DNAH6: variants seen among roughly 807,000 people sequenced by gnomAD.
DNAH6 encodes the protein dynein axonemal heavy chain 6, also known as axonemal beta dynein heavy chain 6.
A neutral mutation model predicts 491.4 loss-of-function variants in DNAH6; 340 were observed. That is an observed-to-expected ratio of 0.69 (90% CI 0.63 to 0.76). The LOEUF (loss-of-function observed/expected upper bound fraction) is 0.76. Among genes scored for constraint, DNAH6 ranks in the 30% least tolerant of loss-of-function variants. The pLI, the probability that DNAH6 is intolerant of heterozygous loss-of-function variation, is 0.00. For missense variants in DNAH6, 4,443 were observed against 4,972.2 expected (o/e 0.89, Z 3.20); for synonymous variants, 1,603 against 1,686.1 (o/e 0.95, Z 1.21).
chr2:84,568,989 A>G (rs986487103), intron 11 of DNAH6, among the ~76,000 whole-genome samples: 1 of 152,234 alleles, frequency 6.6e-6, no homozygotes, highest in Non-Finnish European at 1.5e-5. Flanking sequence ...AAAACTATAC[A>G]TGCATTTACC....
rs932770561 is a variant in DNAH6 at position 84,816,014 on chromosome 2, C to T, written c.12304C>T (p.Pro4102Ser). 6.4e-7 allele frequency: 1 copy of T among 1,551,630 alleles called. No individual in the cohort carries two copies. The highest frequency in any genetic ancestry group is 1.4e-5 in the African/African-American group (1 of 73,020). Residue 4102 changes from proline (P) to serine (S), a missense_variant, in exon 76 of 77, where the codon CCA becomes TCA. Physicochemically the swap from Pro to Ser is moderately conservative, Grantham distance 74. Transcript: ENST00000389394. ...TTTTGAACCACAACAAAACTATAAG[C>T]CAAGCCCAACACTTTACCACTGCCC... ...VHFEPQQNYK[P>S]SPTLYHCPLY... is the part of the protein sequence containing the mutation.
At chr2:84,573,746 A>G (rs749642349) in intron 12 of DNAH6, among the ~76,000 whole-genome samples, 159 bp downstream of exon 12, 1 of 152,214 alleles carries the variant, frequency 6.6e-6, no homozygotes, top group Non-Finnish European at 1.5e-5. Context: ...GTTATTTTCT[A>G]TAGAATCACT....
chr2:84,660,696 G>C (rs1691419410), intron 37 of DNAH6, among the ~76,000 whole-genome samples: 1 of 152,020 alleles, frequency 6.6e-6, no homozygotes, highest in Non-Finnish European at 1.5e-5. Flanking sequence ...ACCTGTGCCT[G>C]CTTCCTGATA....
At chr2:84,644,278 C>T (rs1367753219) in intron 33 of DNAH6, among the ~76,000 whole-genome samples, 2 of 152,198 alleles carry the variant, frequency 1.3e-5, no homozygotes, top group East Asian at 1.9e-4. Context: ...TCTGACAAAA[C>T]TCTAGCAGGT....
At chr2:84,574,216 T>A (rs1227487115) in intron 12 of DNAH6, among the ~76,000 whole-genome samples, 2 of 152,070 alleles carry the variant, frequency 1.3e-5, no homozygotes, top group African/African-American at 4.8e-5. Flanking sequence ...CTTTATTTTC[T>A]TATATATAAA....
chr2:84,700,590 T>C lies in DNAH6; in HGVS notation c.7819-507T>C, dbSNP rs112771795. On this transcript the variant is annotated intron_variant, in intron 48 of 76. Coordinates refer to ENST00000389394, the MANE Select transcript of DNAH6 (RefSeq NM_001370.2). ...TAAGCTAATTATCAAAAATTTAAAG[T>C]GATACTAATTGGCAGCCATGCTCAG... Among the ~76,000 whole-genome samples, 960 of 152,276 alleles carry C rather than the reference T, an allele frequency of 6.3e-3. 8 individuals are homozygous for C. The highest frequency in any genetic ancestry group is 0.021 in the African/African-American group (887 of 41,562).
intron 29 of DNAH6, among the ~76,000 whole-genome samples, chr2:84,627,369 TATAA>T (rs1687979940): frequency 6.6e-6 from 1 of 152,212 alleles, no homozygotes; most frequent in Non-Finnish European, 1.5e-5. Flanking sequence ...CATTCAAGTT[TATAA>T]ATATTCTGTC....
At chr2:84,486,745 A>C in the DNAH6 span, among the ~76,000 whole-genome samples, 2,112 of 152,218 alleles carry the variant, frequency 0.014, 47 homozygotes, top group African/African-American at 0.049. Flanking sequence ...AAGGAGTTTT[A>C]TTTCACCACA....
chr2:84,598,987 G>A (rs961268173), intron 18 of DNAH6, among the ~76,000 whole-genome samples: 13 of 142,154 alleles, frequency 9.1e-5, no homozygotes, highest in Admixed American at 2.2e-4. Flanking sequence ...CCGAAATTGC[G>A]CCACTGTACT....
chr2:84,595,735 A>G lies in DNAH6; in HGVS notation c.2814A>G (p.Pro938=), dbSNP rs968873237. The change falls in exon 18 of 77, where the codon CCA becomes CCG. Residue 938 remains proline, a synonymous_variant. Transcript: ENST00000389394. ...KFVTQLEKGL[P]PNSVVPQLKY... ...TGACTCAACTGGAAAAAGGCTTGCCACCCAACAGTGTAGTGCCCCAGCTCA... is the reference window on the plus strand; with the variant it reads ...TGACTCAACTGGAAAAAGGCTTGCCGCCCAACAGTGTAGTGCCCCAGCTCA... The G allele has an allele frequency of 6.4e-7, 1 of 1,551,480 alleles. No homozygotes were observed. The highest frequency in any genetic ancestry group is 8.7e-7 in the Non-Finnish European group (1 of 1,146,874).
chr2:84,565,336 T>C (rs1681079499), intron 11 of DNAH6, among the ~76,000 whole-genome samples: 1 of 151,756 alleles, frequency 6.6e-6, no homozygotes, highest in South Asian at 2.1e-4. Context: ...GGCTTTTTTT[T>C]TTTGTAGTTT....
At chr2:84,725,240 C>G (rs1045693088) in intron 60 of DNAH6, among the ~76,000 whole-genome samples, 2 of 152,116 alleles carry the variant, frequency 1.3e-5, no homozygotes, top group African/African-American at 4.8e-5. Flanking sequence ...TTGATTTTTC[C>G]TCTAGAGGTC....
intron 64 of DNAH6, among the ~76,000 whole-genome samples, chr2:84,779,585 C>T (rs1263603711): frequency 6.6e-6 from 1 of 152,104 alleles, no homozygotes; most frequent in Non-Finnish European, 1.5e-5. Context: ...ATTTTTTTAT[C>T]CAACTTGCTA....
chr2:84,474,179 G>A, the DNAH6 span, among the ~76,000 whole-genome samples: 7 of 152,112 alleles, frequency 4.6e-5, no homozygotes, highest in African/African-American at 1.7e-4. Context: ...TGGTTGTAGT[G>A]CACCCATGTG....
intron 4 of DNAH6, among the ~76,000 whole-genome samples, chr2:84,539,892 A>G (rs1425840028): frequency 6.6e-6 from 1 of 152,146 alleles, no homozygotes; most frequent in East Asian, 1.9e-4. Context: ...TCCCCAGGTT[A>G]GGTTAGATCT....
Position 84,814,017 on chromosome 2 carries a change from G to A in DNAH6, c.12045G>A (p.Glu4015=). 1 of 1,551,710 alleles carries A rather than the reference G, an allele frequency of 6.4e-7. No individual in the cohort carries two copies. Among genetic ancestry groups the A allele is most frequent in the Non-Finnish European group, 8.7e-7 (1 of 1,146,986 alleles). The change falls in exon 75 of 77, where the codon GAG becomes GAA. Residue 4015 remains glutamate, a synonymous_variant. Coordinates refer to ENST00000389394, the MANE Select transcript of DNAH6 (RefSeq NM_001370.2). The part of the protein sequence containing the change: ...HARKYNLPID[E]LSFKYSVIPT... Reference sequence around the variant, plus strand: ...GAAAATACAATTTGCCTATAGATGAGCTGAGTTTCAAATACAGCGTAATTC... The same window carrying A: ...GAAAATACAATTTGCCTATAGATGAACTGAGTTTCAAATACAGCGTAATTC...
intron 37 of DNAH6, 133 bp from the exon 38 acceptor site, chr2:84,669,156 A>G (rs1573425188): frequency 1.5e-6 from 1 of 672,654 alleles, no homozygotes; most frequent in East Asian, 2.7e-5. Flanking sequence ...ATAACTATGT[A>G]TCTACAAAGG....
the DNAH6 span, among the ~76,000 whole-genome samples, chr2:84,482,083 CT>C: frequency 1.3e-5 from 2 of 152,126 alleles, no homozygotes; most frequent in Non-Finnish European, 2.9e-5. Context: ...TAGCTAGCAA[CT>C]TTTTTTGCCA....
At chr2:84,777,793 G>A in intron 64 of DNAH6, 1 of 1,051,850 alleles carries the variant, frequency 9.5e-7, no homozygotes. Flanking sequence ...TTTTGGGGAA[G>A]CCACTTATCT....
Sources: allele counts gnomAD v4.1 joint callset (sites outside exome capture counted in the v4.1 genomes callset), GRCh38; gene constraint gnomAD v4.1.1; transcripts MANE v1.5; gene names NCBI Gene and HGNC (gene_info 2026-07-23, HGNC 2026-07-21).